Variants in TUBA1C observed in about 807,000 individuals in gnomAD.
TUBA1C encodes tubulin alpha-1C chain.
In TUBA1C, 16 loss-of-function variants were observed where a neutral mutation model predicts 34.9. The observed-to-expected ratio is 0.46, with a 90% CI of 0.31 to 0.70. The LOEUF (loss-of-function observed/expected upper bound fraction) is 0.70. TUBA1C is among the 30% of genes least tolerant of loss of function. TUBA1C has a pLI of 0.05. For synonymous variants in TUBA1C, 177 were observed against 215.9 expected, an observed-to-expected ratio of 0.82 and a Z score of 1.58; for missense variants, 329 against 587.3, an observed-to-expected ratio of 0.56 and a Z score of 4.55.
intron 1 of TUBA1C, among the ~76,000 whole-genome samples, chr12:49,237,754 G>A (rs545195155): frequency 2.0e-5 from 3 of 147,626 alleles, no homozygotes; most frequent in Non-Finnish European, 3.0e-5. Flanking sequence ...AAAAAAGAGA[G>A]AGAGAGAAAG....
chr12:49,267,313 A>G (rs780813319), intron 1 of TUBA1C, among the ~76,000 whole-genome samples: 2 of 152,370 alleles, frequency 1.3e-5, no homozygotes, highest in African/African-American at 2.4e-5. Context: ...ATGATCAGGT[A>G]TCTGGTTATC....
chr12:49,263,949 G>A (rs1012869506), upstream of TUBA1C, among the ~76,000 whole-genome samples: 8 of 152,070 alleles, frequency 5.3e-5, no homozygotes, highest in African/African-American at 9.7e-5. Flanking sequence ...GGCCAGGCGC[G>A]GTGGCTCACG....
intron 1 of TUBA1C, among the ~76,000 whole-genome samples, chr12:49,258,530 C>T (rs1339438513): frequency 6.6e-6 from 1 of 151,924 alleles, no homozygotes; most frequent in Admixed American, 6.6e-5. Context: ...CTATTTCAAG[C>T]GATTCTCCTG....
chr12:49,255,996 T>G (rs763185146), intron 1 of TUBA1C, among the ~76,000 whole-genome samples: 4 of 152,224 alleles, frequency 2.6e-5, no homozygotes, highest in Admixed American at 2.6e-4. Context: ...TCCCAGCTAC[T>G]TGGGAGGCCC....
intron 1 of TUBA1C, among the ~76,000 whole-genome samples, chr12:49,265,962 A>AC (rs1356027868): frequency 2.1e-5 from 3 of 141,298 alleles, no homozygotes; most frequent in Non-Finnish European, 4.6e-5. Flanking sequence ...TACTTTAAAA[A>AC]AAAAAAAAAA....
intron 3 of TUBA1C, among the ~76,000 whole-genome samples, chr12:49,271,397 G>A (rs528922964): frequency 4.6e-4 from 70 of 152,296 alleles, no homozygotes; most frequent in African/African-American, 1.6e-3. Context: ...AACAACCTGA[G>A]GTCTCATGGA....
intron 3 of TUBA1C, 134 bp downstream of exon 3, chr12:49,270,110 A>T: frequency 6.5e-7 from 1 of 1,549,212 alleles, no homozygotes. Flanking sequence ...TCACTAAATT[A>T]ATTGGATTTC....
chr12:49,261,145 T>G (rs1346981808), upstream of TUBA1C, among the ~76,000 whole-genome samples: 1 of 152,064 alleles, frequency 6.6e-6, no homozygotes, highest in Non-Finnish European at 1.5e-5. Context: ...GGTCAGGAGT[T>G]TGAGACCAGC....
chr12:49,228,178 A>G (rs1198976337), intron 1 of TUBA1C: 1 of 1,535,528 alleles, frequency 6.5e-7, no homozygotes, highest in South Asian at 1.2e-5. Context: ...TAAGGCTGTA[A>G]TAGTAATGTA....
At chr12:49,255,405 A>AAAATAT (rs533723121) in intron 1 of TUBA1C, among the ~76,000 whole-genome samples, 145 of 141,304 alleles carry the variant, frequency 1.0e-3, no homozygotes, top group Middle Eastern at 3.8e-3. Flanking sequence ...ATCTTTAAAA[A>AAAATAT]ATATATATAT....
At position 49,269,476 on chromosome 12, in the gene TUBA1C, C is replaced by G. The variant is rs1474958273; in HGVS notation, c.15C>G (p.Ile5Met). 1 of 1,614,214 alleles carries G rather than the reference C, an allele frequency of 6.2e-7. No individual in the cohort carries two copies. Among genetic ancestry groups the G allele is most frequent in the African/African-American group, 1.3e-5 (1 of 75,056 alleles). MREC[I>M]SIHVGQAGVQ... ...TCTTCCTCCCACAGCGTGAGTGCAT[C>G]TCCATCCACGTTGGCCAGGCTGGTG... Residue 5 changes from isoleucine (I) to methionine (M), a missense_variant, in exon 2 of 4, where the codon ATC becomes ATG. Ile to Met is a conservative substitution (Grantham distance 10). Transcript: ENST00000301072.
chr12:49,270,198 G>A, intron 3 of TUBA1C: 1 of 893,968 alleles, frequency 1.1e-6, no homozygotes, highest in South Asian at 1.5e-5. Flanking sequence ...GCTTCAAGCT[G>A]AGACACCCCT....
chr12:49,233,794 TC>T (rs765320261), intron 1 of TUBA1C: 4 of 152,242 alleles, frequency 2.6e-5, no homozygotes, highest in Non-Finnish European at 5.9e-5. Context: ...GGAAGGTTAT[TC>T]CGGAATCACT....
chr12:49,248,508 C>A (rs1298395897), intron 1 of TUBA1C, among the ~76,000 whole-genome samples: 2 of 149,510 alleles, frequency 1.3e-5, no homozygotes, highest in African/African-American at 2.5e-5. Flanking sequence ...GCGGAGATTA[C>A]AGTGAGCTGA....
chr12:49,269,067 A>T (rs531500040), intron 1 of TUBA1C, among the ~76,000 whole-genome samples: 1 of 152,224 alleles, frequency 6.6e-6, no homozygotes, highest in East Asian at 1.9e-4. Flanking sequence ...AAAGATGGTT[A>T]TCTTTTTTTG....
At chr12:49,267,441 C>T (rs567427701) in intron 1 of TUBA1C, among the ~76,000 whole-genome samples, 1 of 152,068 alleles carries the variant, frequency 6.6e-6, no homozygotes, top group Admixed American at 6.6e-5. Context: ...AGTAGATCAC[C>T]CGAGGTCAGG....
chr12:49,269,487 T>C lies in TUBA1C; in HGVS notation c.26T>C (p.Val9Ala), dbSNP rs773491021. The change falls in exon 2 of 4, where the codon GTT (valine) becomes GCT (alanine). Residue 9 changes from valine to alanine, a missense_variant. Coordinates refer to ENST00000301072, the MANE Select transcript of TUBA1C (RefSeq NM_032704.5). MRECISIH[V>A]GQAGVQIGNA... ...CAGCGTGAGTGCATCTCCATCCACG[T>C]TGGCCAGGCTGGTGTCCAGATTGGC... 4.3e-6 allele frequency: 7 copies of C among 1,614,126 alleles called. No individual in the cohort carries two copies. Among genetic ancestry groups the C allele is most frequent in the Non-Finnish European group, 5.1e-6 (6 of 1,180,062 alleles).
chr12:49,246,686 G>A (rs1363061564), intron 1 of TUBA1C, among the ~76,000 whole-genome samples: 1 of 151,986 alleles, frequency 6.6e-6, no homozygotes, highest in Non-Finnish European at 1.5e-5. Flanking sequence ...AAGAGAAAAT[G>A]GCCTGAACTT....
At chr12:49,269,714 A>G (rs770041880) in intron 2 of TUBA1C, 27 bp downstream of exon 2, 2 of 1,613,226 alleles carry the variant, frequency 1.2e-6, no homozygotes, top group South Asian at 2.2e-5. Context: ...AACCCAAGTG[A>G]GATCCCAGGG....
Sources: allele counts gnomAD v4.1 joint callset (sites outside exome capture counted in the v4.1 genomes callset), GRCh38; gene constraint gnomAD v4.1.1; transcripts MANE v1.5; gene names NCBI Gene and HGNC (gene_info 2026-07-23, HGNC 2026-07-21).